The following CNTNAP2 variants were observed in gnomAD, a reference collection of about 807,000 sequenced individuals.
The protein encoded by CNTNAP2 is contactin-associated protein-like 2.
Under a neutral mutation model 155.2 loss-of-function variants are expected in CNTNAP2, and 98 were observed. The observed-to-expected ratio is 0.63, with a 90% CI of 0.54 to 0.75. CNTNAP2 has a LOEUF of 0.75. Among genes scored for constraint, CNTNAP2 ranks in the 30% least tolerant of loss-of-function variants. The probability of loss-of-function intolerance (pLI) is 0.00; values close to 1 mark genes in which losing one functional copy is unlikely to be tolerated. For synonymous variants in CNTNAP2, 651 were observed against 631.2 expected (o/e 1.03, Z -0.47); for missense variants, 1,727 against 1,688.1 (o/e 1.02, Z -0.40).
At chr7:146,510,102 G>T (rs1404956630) in intron 1 of CNTNAP2, among the ~76,000 whole-genome samples, 1 of 152,188 alleles carries the variant, frequency 6.6e-6, no homozygotes, top group East Asian at 1.9e-4. Flanking sequence ...GTGAACAGGT[G>T]GCAGGCAGCT....
At chr7:146,687,165 G>A (rs1259531857) in intron 1 of CNTNAP2, among the ~76,000 whole-genome samples, 1 of 152,042 alleles carries the variant, frequency 6.6e-6, no homozygotes, top group African/African-American at 2.4e-5. Context: ...CTCATGCCTA[G>A]CTCTCTAAAG....
intron 2 of CNTNAP2, among the ~76,000 whole-genome samples, chr7:146,822,330 G>A (rs1356600016): frequency 6.6e-6 from 1 of 151,990 alleles, no homozygotes. Context: ...GTGGCGTGGG[G>A]GCAGGGGGGA....
intron 1 of CNTNAP2, among the ~76,000 whole-genome samples, chr7:146,186,937 T>C (rs1250426100): frequency 1.3e-5 from 2 of 152,210 alleles, no homozygotes; most frequent in Admixed American, 1.3e-4. Context: ...ATATTAAAGC[T>C]AGGGCCAGAA....
intron 3 of CNTNAP2, among the ~76,000 whole-genome samples, chr7:146,853,542 A>T (rs1430553406): frequency 6.6e-6 from 1 of 152,200 alleles, no homozygotes; most frequent in Non-Finnish European, 1.5e-5. Context: ...CTAAAATCAA[A>T]TATCATTGCC....
intron 18 of CNTNAP2, among the ~76,000 whole-genome samples, chr7:148,178,542 G>A (rs1353415371): frequency 1.3e-5 from 2 of 152,256 alleles, no homozygotes; most frequent in Non-Finnish European, 1.5e-5. Flanking sequence ...TTTATAATCT[G>A]TATTATTAAG....
intron 13 of CNTNAP2, among the ~76,000 whole-genome samples, chr7:147,848,274 G>A (rs1798850334): frequency 6.7e-6 from 1 of 148,422 alleles, no homozygotes; most frequent in African/African-American, 2.5e-5. Flanking sequence ...GACCCTCTGA[G>A]CCAGGTGTGG....
intron 15 of CNTNAP2, among the ~76,000 whole-genome samples, chr7:148,039,632 C>CA (rs1298126983): frequency 6.6e-6 from 1 of 152,178 alleles, no homozygotes; most frequent in Non-Finnish European, 1.5e-5. Context: ...CCATCGCATA[C>CA]TTTGCACCAT....
chr7:146,527,624 T>C (rs1584964725), intron 1 of CNTNAP2, among the ~76,000 whole-genome samples: 1 of 151,998 alleles, frequency 6.6e-6, no homozygotes, highest in East Asian at 1.9e-4. Flanking sequence ...GGATTTTACT[T>C]TAAGAATAAA....
At chr7:146,185,409 T>C (rs930471107) in intron 1 of CNTNAP2, among the ~76,000 whole-genome samples, 2 of 152,058 alleles carry the variant, frequency 1.3e-5, no homozygotes, top group Non-Finnish European at 2.9e-5. Context: ...ATAGAGACCA[T>C]GTAACTCTCA....
intron 13 of CNTNAP2, among the ~76,000 whole-genome samples, chr7:147,639,720 A>G (rs973324682): frequency 6.6e-6 from 1 of 152,216 alleles, no homozygotes; most frequent in African/African-American, 2.4e-5. Context: ...GATAGAATTT[A>G]GAGCTCTTTC....
chr7:146,790,057 G>T (rs1802643667), intron 2 of CNTNAP2, among the ~76,000 whole-genome samples: 1 of 151,808 alleles, frequency 6.6e-6, no homozygotes, highest in Admixed American at 6.6e-5. Context: ...TTTTGTTGTT[G>T]TTTAGTAGAA....
chr7:147,510,118 C>T (rs73744139), intron 11 of CNTNAP2, among the ~76,000 whole-genome samples: 4,131 of 152,190 alleles, frequency 0.027, 189 homozygotes, highest in African/African-American at 0.094. Flanking sequence ...GCAGAGGATT[C>T]GTGCCAGTGT....
chr7:148,311,926 C>G (rs113505318), intron 21 of CNTNAP2, among the ~76,000 whole-genome samples: 6,913 of 152,040 alleles, frequency 0.045, 541 homozygotes, highest in African/African-American at 0.16. Context: ...TGTGTGAGGC[C>G]GGATTGAAGT....
intron 10 of CNTNAP2, among the ~76,000 whole-genome samples, chr7:147,420,052 A>T (rs1300245091): frequency 6.6e-6 from 1 of 152,226 alleles, no homozygotes; most frequent in African/African-American, 2.4e-5. Flanking sequence ...GAATAATTTC[A>T]TTGTTAACTA....
intron 8 of CNTNAP2, among the ~76,000 whole-genome samples, chr7:147,221,137 T>TAA (rs34601254): frequency 4.9e-4 from 74 of 151,122 alleles, no homozygotes; most frequent in African/African-American, 8.3e-4. Flanking sequence ...TAACTTATAA[T>TAA]AAAAAAAAAC....
At chr7:148,208,441 A>G (rs561415744) in intron 18 of CNTNAP2, among the ~76,000 whole-genome samples, 1 of 152,246 alleles carries the variant, frequency 6.6e-6, no homozygotes, top group Admixed American at 6.5e-5. Context: ...GTGAGTATAG[A>G]GTGTGATGGA....
At chr7:146,208,618 T>TG (rs1798985916) in intron 1 of CNTNAP2, 1 of 150,046 alleles carries the variant, frequency 6.7e-6, no homozygotes, top group African/African-American at 2.4e-5. Flanking sequence ...AAAAAAAAAG[T>TG]CCACATCATA....
intron 15 of CNTNAP2, among the ~76,000 whole-genome samples, chr7:147,984,665 G>T (rs1237719744): frequency 1.3e-5 from 2 of 152,048 alleles, no homozygotes; most frequent in African/African-American, 4.8e-5. Flanking sequence ...AACTCACAAG[G>T]CAGGTTAATA....
intron 1 of CNTNAP2, among the ~76,000 whole-genome samples, chr7:146,602,192 C>T (rs1437620165): frequency 6.6e-6 from 1 of 152,040 alleles, no homozygotes; most frequent in Non-Finnish European, 1.5e-5. Flanking sequence ...CACGGAGACC[C>T]TTAAGATTAT....
Sources: allele counts gnomAD v4.1 joint callset (sites outside exome capture counted in the v4.1 genomes callset), GRCh38; gene constraint gnomAD v4.1.1; transcripts MANE v1.5; gene names NCBI Gene and HGNC (gene_info 2026-07-23, HGNC 2026-07-21).